The following SLC12A6 variants were observed in gnomAD, a reference collection of about 807,000 sequenced individuals.
The protein encoded by SLC12A6 is solute carrier family 12 member 6.
Under a neutral mutation model 135.3 loss-of-function variants are expected in SLC12A6, and 66 were observed. The observed-to-expected ratio is 0.49, with a 90% CI of 0.40 to 0.60. The LOEUF is 0.60. Among genes scored for constraint, SLC12A6 ranks in the 20% least tolerant of loss-of-function variants. SLC12A6 has a pLI of 0.00. For synonymous variants in SLC12A6, 513 were observed against 508.8 expected (o/e 1.01, Z -0.11); for missense variants, 1,058 against 1,452.3 (o/e 0.73, Z 4.41).
At position 34,238,265 on chromosome 15, in the gene SLC12A6, A is replaced by T. The variant is rs754223999; in HGVS notation, c.2769T>A (p.Leu923=). 2 of 1,613,564 alleles carry T rather than the reference A, an allele frequency of 1.2e-6. No homozygotes were observed. The highest frequency in any genetic ancestry group is 1.7e-6 in the Non-Finnish European group (2 of 1,179,432). Residue 923 remains leucine, a synonymous_variant, in exon 21 of 26, where the codon CTT becomes CTA. Transcript: ENST00000354181. ...GTTTCAGTAGGAATGGTAGTAGCATAAGCATCCCCCCATCATGCACAATCC... is the reference window on the plus strand; with the variant it reads ...GTTTCAGTAGGAATGGTAGTAGCATTAGCATCCCCCCATCATGCACAATCC... ...VWWIVHDGGM[L]MLLPFLLKQH...
intron 2 of SLC12A6, among the ~76,000 whole-genome samples, chr15:34,310,462 A>C (rs1248141097): frequency 2.2e-5 from 1 of 45,780 alleles, no homozygotes; most frequent in African/African-American, 1.2e-4. Context: ...CTGGTGTTGA[A>C]CTCCTGGGCT....
At chr15:34,307,277 C>T (rs1302008232) in intron 2 of SLC12A6, among the ~76,000 whole-genome samples, 1 of 152,140 alleles carries the variant, frequency 6.6e-6, no homozygotes, top group Non-Finnish European at 1.5e-5. Flanking sequence ...AGAATACCTA[C>T]AGGTAACAGA....
chr15:34,271,952 TTTC>T (rs1893985648), intron 3 of SLC12A6, among the ~76,000 whole-genome samples: 2 of 152,084 alleles, frequency 1.3e-5, no homozygotes, highest in South Asian at 2.1e-4. Flanking sequence ...CTGGGAAGAT[TTTC>T]TTTTTTTTTC....
intron 25 of SLC12A6, 96 bp downstream of exon 25, chr15:34,235,085 T>A (rs1437310018): frequency 3.6e-6 from 4 of 1,121,624 alleles, no homozygotes; most frequent in Non-Finnish European, 4.1e-6. Context: ...AGAGGGAAAG[T>A]GGGGCATAGA....
chr15:34,237,287 GTT>G, intron 22 of SLC12A6, 130 bp downstream of exon 22: 1 of 556,064 alleles, frequency 1.8e-6, no homozygotes, highest in South Asian at 2.1e-5. Context: ...GTTTTTTTTT[GTT>G]TTTTTTTTGG....
chr15:34,293,391 A>C (rs1428958118), intron 2 of SLC12A6, among the ~76,000 whole-genome samples: 1 of 151,918 alleles, frequency 6.6e-6, no homozygotes, highest in Non-Finnish European at 1.5e-5. Context: ...TGCAACCTCC[A>C]CCTCCTGGGT....
At chr15:34,313,614 A>C (rs543271206) in intron 2 of SLC12A6, among the ~76,000 whole-genome samples, 1 of 152,352 alleles carries the variant, frequency 6.6e-6, no homozygotes, top group East Asian at 1.9e-4. Context: ...TGGCTTCATT[A>C]AACAACACAC....
intron 2 of SLC12A6, among the ~76,000 whole-genome samples, chr15:34,334,681 G>A (rs1251685780): frequency 6.6e-6 from 1 of 152,116 alleles, no homozygotes; most frequent in Admixed American, 6.5e-5. Flanking sequence ...GGGTACCGGA[G>A]AATATTTAAA....
chr15:34,232,854 T>G lies in SLC12A6; in HGVS notation c.*1027A>C, dbSNP rs1208077578. 2 of 151,152 alleles carry G rather than the reference T, an allele frequency of 1.3e-5. No homozygotes were observed. The highest frequency in any genetic ancestry group is 2.0e-4 in the East Asian group (1 of 5,078). 9.4% of individuals were successfully genotyped at this position (151,152 alleles called of 1,614,324 possible). The stretch of plus-strand genomic sequence containing the variant: ...CCAATTCCATTGCTAGATGTGCCCT[T>G]TAAAAGATGGTCCAGTGCTTTCAGG... On this transcript the variant is annotated 3_prime_UTR_variant, in exon 26 of 26. Transcript: ENST00000354181.
rs1445841134 is a variant in SLC12A6, at chr15:34,256,213, A to G, written c.745+16T>C. ...CAACACTGATAAATCCTGAAATACA[A>G]CCTTGACCTACTAACCTGGCACCAC... is the stretch of plus-strand genomic sequence containing the variant. On this transcript the variant is annotated intron_variant, in intron 7 of 25. Coordinates refer to ENST00000354181, the MANE Select transcript of SLC12A6 (RefSeq NM_001365088.1). The G allele has an allele frequency of 6.5e-7, 1 of 1,540,278 alleles. No homozygotes were observed. The highest frequency in any genetic ancestry group is 9.0e-7 in the Non-Finnish European group (1 of 1,112,652).
chr15:34,261,034 AGT>A lies in SLC12A6; in HGVS notation c.317-16_317-15del. On this transcript the variant is annotated splice_polypyrimidine_tract_variant and intron_variant, in intron 3 of 25. Transcript: ENST00000354181. The stretch of plus-strand genomic sequence containing the variant: ...TATGTCCGTCGTCTGGAAAAAAAAA[AGT>A]AGACCAAGTTAGTTTCTCACTGGTT... The A allele has an allele frequency of 2.3e-6, 3 of 1,322,004 alleles. No individual in the cohort carries two copies. The highest frequency in any genetic ancestry group is 3.3e-6 in the Non-Finnish European group (3 of 913,684). The allele number at this position is 1,322,004 out of a possible 1,614,324, so 81.9% of individuals were successfully genotyped here. A position where few individuals can be genotyped will look rare whatever the true frequency, so the allele number is the denominator to read the frequency against.
chr15:34,271,162 C>T (rs566734028), intron 3 of SLC12A6, among the ~76,000 whole-genome samples: 4 of 152,262 alleles, frequency 2.6e-5, no homozygotes, highest in Admixed American at 1.3e-4. Context: ...AATGCTTTTT[C>T]AACCTCTATT....
intron 3 of SLC12A6, among the ~76,000 whole-genome samples, chr15:34,265,284 G>A (rs772767494): frequency 2.0e-5 from 3 of 151,978 alleles, no homozygotes; most frequent in Non-Finnish European, 4.4e-5. Flanking sequence ...GGATGTACTG[G>A]ATACTGTTCT....
chr15:34,306,787 GC>G (rs1160020723), intron 2 of SLC12A6, among the ~76,000 whole-genome samples: 1 of 152,166 alleles, frequency 6.6e-6, no homozygotes, highest in East Asian at 1.9e-4. Context: ...TTCAACTACT[GC>G]CCTAAGTATT....
chr15:34,318,781 T>C (rs1423570466), intron 2 of SLC12A6: 31 of 1,582,594 alleles, frequency 2.0e-5, no homozygotes, highest in Non-Finnish European at 2.6e-5. Flanking sequence ...CTGTGATCCC[T>C]GCCTACAAGA....
chr15:34,261,023 GGAAAAAA>G lies in SLC12A6; in HGVS notation c.317-10_317-4del. 6.7e-7 allele frequency: 1 copy of G among 1,491,978 alleles called. No individual in the cohort carries two copies. Among genetic ancestry groups the G allele is most frequent in the Non-Finnish European group, 9.3e-7 (1 of 1,071,388 alleles). 92.4% of individuals were successfully genotyped at this position (1,491,978 alleles called of 1,614,324 possible). A position where few individuals can be genotyped will look rare whatever the true frequency, so the allele number is the denominator to read the frequency against. On this transcript the variant is annotated splice_region_variant and splice_polypyrimidine_tract_variant and intron_variant, in intron 3 of 25. Coordinates refer to ENST00000354181, the MANE Select transcript of SLC12A6 (RefSeq NM_001365088.1). ...TCGAGCTTTCTTATGTCCGTCGTCT[GGAAAAAA>G]AAAAGTAGACCAAGTTAGTTTCTCA...
intron 2 of SLC12A6, among the ~76,000 whole-genome samples, chr15:34,318,399 G>C (rs983709600): frequency 5.3e-5 from 8 of 152,204 alleles, no homozygotes; most frequent in Non-Finnish European, 8.8e-5. Context: ...AAAAGTAAGA[G>C]AAGCTATCAG....
intron 2 of SLC12A6, among the ~76,000 whole-genome samples, chr15:34,310,438 T>TGTGTG (rs1888106865): frequency 8.2e-6 from 1 of 121,426 alleles, no homozygotes. Flanking sequence ...TGTGTGTGTG[T>TGTGTG]CCCCGTGTCC....
intron 9 of SLC12A6, among the ~76,000 whole-genome samples, chr15:34,254,138 T>C (rs1271990371): frequency 1.3e-5 from 2 of 152,166 alleles, no homozygotes; most frequent in East Asian, 3.8e-4. Flanking sequence ...CAGCTACTAG[T>C]TCTATGCTTA....
Sources: allele counts gnomAD v4.1 joint callset (sites outside exome capture counted in the v4.1 genomes callset), GRCh38; gene constraint gnomAD v4.1.1; transcripts MANE v1.5; gene names NCBI Gene and HGNC (gene_info 2026-07-23, HGNC 2026-07-21).